SESN2: variants seen among roughly 807,000 people sequenced by gnomAD.
SESN2 encodes the protein sestrin 2.
SESN2 carries 42 observed loss-of-function variants against 56.0 expected under a neutral mutation model. The ratio of observed to expected loss-of-function variants is 0.75; its 90% CI spans 0.59 to 0.97. The LOEUF (loss-of-function observed/expected upper bound fraction) is 0.97. SESN2 is among the 50% of genes least tolerant of loss of function. The pLI is 0.00. For synonymous variants in SESN2, 264 were observed against 267.1 expected, an observed-to-expected ratio of 0.99 and a Z score of 0.11; for missense variants, 507 against 649.4, an observed-to-expected ratio of 0.78 and a Z score of 2.38.
chr1:28,259,859 G>A lies in SESN2; in HGVS notation c.12G>A (p.Ala4=). The change falls in exon 1 of 10, where the codon GCG becomes GCA. Residue 4 remains alanine, a synonymous_variant. Coordinates refer to ENST00000253063, the MANE Select transcript of SESN2 (RefSeq NM_031459.5). MIV[A]DSECRAELKD... is the part of the protein sequence containing the mutation. ...TCCTGGCGCGCACCATGATCGTGGC[G>A]GACTCCGAGTGCCGCGCAGAGCTCA... 1 of 1,399,802 alleles carries A rather than the reference G, an allele frequency of 7.1e-7. No homozygotes were observed. The highest frequency in any genetic ancestry group is 9.3e-7 in the Non-Finnish European group (1 of 1,077,826). 86.7% of individuals were successfully genotyped at this position (1,399,802 alleles called of 1,614,324 possible). A position where few individuals can be genotyped will look rare whatever the true frequency, so the allele number is the denominator to read the frequency against.
In SESN2 at chr1:28,280,888, C is replaced by CA. The variant is rs936351159; in HGVS notation, c.*86_*87insA. ...GCCCCAGACCCTTTTGTGTCCCATG[C>CA]CCACCCTCCCCACGCTGCAGTGGGC... On this transcript the variant is annotated 3_prime_UTR_variant, in exon 10 of 10. Coordinates refer to ENST00000253063, the MANE Select transcript of SESN2 (RefSeq NM_031459.5). 2.4e-4 allele frequency: 229 copies of CA among 956,134 alleles called. No individual in the cohort carries two copies. Among genetic ancestry groups the CA allele is most frequent in the Non-Finnish European group, 3.3e-4 (198 of 600,122 alleles). 59.2% of individuals were successfully genotyped at this position (956,134 alleles called of 1,614,324 possible).
At chr1:28,280,551 T>C (rs1648196139) in intron 9 of SESN2, among the ~76,000 whole-genome samples, 165 bp from the exon 10 acceptor site, 1 of 152,234 alleles carries the variant, frequency 6.6e-6, no homozygotes, top group Non-Finnish European at 1.5e-5. Flanking sequence ...TAGGAATGAA[T>C]GTGCTTGTCC....
rs1648208443 is a variant in SESN2 at position 28,280,705 on chromosome 1, CT to C, written c.1357-10del. The C allele has an allele frequency of 6.2e-7, 1 of 1,611,334 alleles. No homozygotes were observed. Among genetic ancestry groups the C allele is most frequent in the Non-Finnish European group, 8.5e-7 (1 of 1,178,624 alleles). On this transcript the variant is annotated splice_polypyrimidine_tract_variant and intron_variant, in intron 9 of 9. Transcript: ENST00000253063. ...ACATCAGTTGCCAACATGCCTTCCT[CT>C]GTGCCCCAGGTCCACGTGAACTTGC...
intron 1 of SESN2, 57 bp downstream of exon 1, chr1:28,259,994 C>A: frequency 1.5e-6 from 2 of 1,328,652 alleles, no homozygotes; most frequent in Non-Finnish European, 1.0e-6. Flanking sequence ...GCGTCTGAGC[C>A]TCAGGCTGTC....
chr1:28,279,089 C>G lies in SESN2; in HGVS notation c.1212-8C>G, dbSNP rs1288837978. On this transcript the variant is annotated splice_polypyrimidine_tract_variant and splice_region_variant and intron_variant, in intron 8 of 9. Transcript: ENST00000253063. ...CATGAGTAATGCTGCTGGGACCTTTCCATCCAGATATGATGACTATGATTA... is the reference window on the plus strand; with the variant it reads ...CATGAGTAATGCTGCTGGGACCTTTGCATCCAGATATGATGACTATGATTA... 1 of 1,613,970 alleles carries G rather than the reference C, an allele frequency of 6.2e-7. No homozygotes were observed. Among genetic ancestry groups the G allele is most frequent in the Non-Finnish European group, 8.5e-7 (1 of 1,179,914 alleles).
chr1:28,272,319 C>T lies in SESN2; in HGVS notation c.390C>T (p.Gly130=), dbSNP rs1462129128. Residue 130 remains glycine, a synonymous_variant, in exon 4 of 10, where the codon GGC becomes GGT. Coordinates refer to ENST00000253063, the MANE Select transcript of SESN2 (RefSeq NM_031459.5). ...AARHQCSYLV[G]SHMAEFLQTG... ...GCCATCAGTGTTCTTACCTGGTAGG[C>T]TCCCACATGGCCGAGTTTCTGCAGA... 1 of 1,614,014 alleles carries T rather than the reference C, an allele frequency of 6.2e-7. No individual in the cohort carries two copies. The highest frequency in any genetic ancestry group is 1.7e-5 in the Admixed American group (1 of 60,008).
intron 1 of SESN2, among the ~76,000 whole-genome samples, chr1:28,260,488 C>T (rs901825334): frequency 1.3e-5 from 2 of 152,204 alleles, no homozygotes. Flanking sequence ...CCACCGCACT[C>T]CTGCTTTGGA....
intron 2 of SESN2, among the ~76,000 whole-genome samples, chr1:28,269,482 C>CT (rs200677945): frequency 7.8e-4 from 114 of 146,224 alleles, no homozygotes; most frequent in East Asian, 3.0e-3. Flanking sequence ...AGTGGCCAAA[C>CT]TTTTTTTTTT....
chr1:28,279,048 G>A (rs1422094995), intron 8 of SESN2, 49 bp from the exon 9 acceptor site: 3 of 1,603,548 alleles, frequency 1.9e-6, no homozygotes, highest in East Asian at 2.2e-5. Flanking sequence ...GGAGGGAGCT[G>A]CCTTTGGGAA....
intron 2 of SESN2, among the ~76,000 whole-genome samples, chr1:28,270,223 C>G (rs892996984): frequency 1.3e-5 from 2 of 151,920 alleles, no homozygotes; most frequent in Non-Finnish European, 2.9e-5. Context: ...TGGTGGCGGG[C>G]GCCTGTAATC....
At position 28,281,807 on chromosome 1, in the gene SESN2, G is replaced by A. The variant is rs1648253271; in HGVS notation, c.*1005G>A. 1 of 152,250 alleles carries A rather than the reference G, an allele frequency of 6.6e-6. No individual in the cohort carries two copies. Among genetic ancestry groups the A allele is most frequent in the African/African-American group, 2.4e-5 (1 of 41,440 alleles). The allele number at this position is 152,250 out of a possible 1,614,324, so 9.4% of individuals were successfully genotyped here. On this transcript the variant is annotated 3_prime_UTR_variant, in exon 10 of 10. Transcript: ENST00000253063. The stretch of plus-strand genomic sequence containing the variant: ...GACCCTGCCCCTGGGCCATGGCCAG[G>A]TGACCATGGCTACATTGCCAAACCT...
chr1:28,275,928 T>C (rs1474920245), intron 8 of SESN2, among the ~76,000 whole-genome samples: 1 of 151,134 alleles, frequency 6.6e-6, no homozygotes, highest in Non-Finnish European at 1.5e-5. Flanking sequence ...GTGGCATCAC[T>C]GGAGTCCAGG....
chr1:28,270,920 G>A (rs1647749874), intron 2 of SESN2, among the ~76,000 whole-genome samples: 1 of 152,168 alleles, frequency 6.6e-6, no homozygotes, highest in Non-Finnish European at 1.5e-5. Flanking sequence ...AGTAGCTCAT[G>A]CCTGTAATCC....
intron 1 of SESN2, among the ~76,000 whole-genome samples, chr1:28,264,103 C>T (rs571183329): frequency 1.0e-4 from 15 of 149,570 alleles, no homozygotes; most frequent in Non-Finnish European, 1.9e-4. Context: ...GTGGCTCAAA[C>T]GCCCATAATC....
At position 28,269,856 on chromosome 1, in the gene SESN2, T is replaced by G. The variant is rs140081780; in HGVS notation, c.156+608T>G. Among the ~76,000 whole-genome samples, 233 of 152,362 alleles carry G rather than the reference T, an allele frequency of 1.5e-3. 1 individual carries two copies. The highest frequency in any genetic ancestry group is 5.2e-3 in the African/African-American group (215 of 41,584). ...TGAGTCAGTTCATTCATTCATTTACTTAACATATCTATTAAATGATTAATC... is the reference window on the plus strand; with the variant it reads ...TGAGTCAGTTCATTCATTCATTTACGTAACATATCTATTAAATGATTAATC... On this transcript the variant is annotated intron_variant, in intron 2 of 9. Coordinates refer to ENST00000253063, the MANE Select transcript of SESN2 (RefSeq NM_031459.5).
At position 28,280,797 on chromosome 1, in the gene SESN2, A is replaced by G; in HGVS notation, c.1438A>G (p.Thr480Ala). ...CCTCCGTGCCATCACCCGCTACATG[A>G]CCTGACTCCTGAGCAGGACCTGGGC... ...YALRAITRYM[T>A] Residue 480 changes from threonine to alanine, a missense_variant, in exon 10 of 10, where the codon ACC (threonine) becomes GCC (alanine). Transcript: ENST00000253063. 6.2e-7 allele frequency: 1 copy of G among 1,612,928 alleles called. No individual in the cohort carries two copies. Among genetic ancestry groups the G allele is most frequent in the Non-Finnish European group, 8.5e-7 (1 of 1,179,472 alleles).
Position 28,274,935 on chromosome 1 carries a change from C to T in SESN2, c.1131C>T (p.Thr377=). The T allele has an allele frequency of 6.2e-7, 1 of 1,614,154 alleles. No individual in the cohort carries two copies. The highest frequency in any genetic ancestry group is 8.5e-7 in the Non-Finnish European group (1 of 1,180,006). ...CAGCCTATAGCCTCACCTACAATAC[C>T]ATCGCCATGCACAGTGGTGTGGACA... is the stretch of plus-strand genomic sequence containing the variant. ...FQAAYSLTYN[T]IAMHSGVDTS... Residue 377 remains threonine (T), a synonymous_variant, in exon 8 of 10, where the codon ACC becomes ACT. Transcript: ENST00000253063.
intron 1 of SESN2, among the ~76,000 whole-genome samples, chr1:28,261,971 G>A (rs964258197): frequency 2.6e-5 from 4 of 152,056 alleles, no homozygotes; most frequent in Non-Finnish European, 5.9e-5. Context: ...AGTAGAAACA[G>A]AGTTTCAGCA....
chr1:28,259,766 C>T lies in SESN2; in HGVS notation c.-82C>T. ...AGAAGCTCCCCGGCGGCGCCCAGTC[C>T]CGGCTTCATTCGGGCGTCCCTCCGA... is the stretch of plus-strand genomic sequence containing the variant. On this transcript the variant is annotated 5_prime_UTR_variant, in exon 1 of 10. Coordinates refer to ENST00000253063, the MANE Select transcript of SESN2 (RefSeq NM_031459.5). 1 of 1,131,930 alleles carries T rather than the reference C, an allele frequency of 8.8e-7. No homozygotes were observed. The highest frequency in any genetic ancestry group is 1.2e-6 in the Non-Finnish European group (1 of 854,482). The allele number at this position is 1,131,930 out of a possible 1,614,324, so 70.1% of individuals were successfully genotyped here. A position where few individuals can be genotyped will look rare whatever the true frequency, so the allele number is the denominator to read the frequency against.
Sources: allele counts gnomAD v4.1 joint callset (sites outside exome capture counted in the v4.1 genomes callset), GRCh38; gene constraint gnomAD v4.1.1; transcripts MANE v1.5; gene names NCBI Gene and HGNC (gene_info 2026-07-23, HGNC 2026-07-21).